The following FBXO34 variants were observed in gnomAD, a reference collection of about 807,000 sequenced individuals.
The protein encoded by FBXO34 is F-box protein 34, also known as F-box only protein 34.
Under a neutral mutation model 24.5 loss-of-function variants are expected in FBXO34, and 12 were observed. The observed-to-expected ratio is 0.49, with a 90% CI of 0.31 to 0.79. The LOEUF (loss-of-function observed/expected upper bound fraction) is 0.79. FBXO34 is among the 30% of genes least tolerant of loss of function. FBXO34 has a pLI of 0.04. For missense variants in FBXO34, 823 were observed against 857.7 expected, an observed-to-expected ratio of 0.96 and a Z score of 0.51; for synonymous variants, 320 against 311.9, an observed-to-expected ratio of 1.03 and a Z score of -0.27.
the FBXO34 span, among the ~76,000 whole-genome samples, chr14:55,402,930 T>A: frequency 0.018 from 232 of 13,244 alleles, 2 homozygotes; most frequent in South Asian, 0.026. Context: ...AAAAAAAATA[T>A]ATATATATAT....
chr14:55,323,794 A>G (rs4496026), intron 1 of FBXO34, among the ~76,000 whole-genome samples: 59,827 of 151,644 alleles, frequency 0.39, 12,004 homozygotes, highest in Non-Finnish European at 0.42. Flanking sequence ...TAATCATTTG[A>G]GGTTCAGTTT....
At chr14:55,314,774 C>G (rs1341404825) in intron 1 of FBXO34, among the ~76,000 whole-genome samples, 1 of 152,010 alleles carries the variant, frequency 6.6e-6, no homozygotes, top group African/African-American at 2.4e-5. Context: ...TATTCTTATC[C>G]TTTTATATTG....
chr14:55,315,038 C>T (rs919373654), intron 1 of FBXO34, among the ~76,000 whole-genome samples: 1 of 151,996 alleles, frequency 6.6e-6, no homozygotes, highest in Non-Finnish European at 1.5e-5. Context: ...TTTTCTCATC[C>T]CCAGGAATGT....
Position 55,350,559 on chromosome 14 carries a change from T to G in FBXO34, c.169T>G (p.Ser57Ala), listed in dbSNP as rs139564265. The change falls in exon 2 of 2, where the codon TCA becomes GCA. Residue 57 changes from serine to alanine, a missense_variant. By Grantham distance (99) the Ser-to-Ala change is moderately conservative. This residue lies in a region of FBXO34 where 693 missense variants were observed against 659.1 expected (regional missense o/e 1.05). Coordinates refer to ENST00000313833, the MANE Select transcript of FBXO34 (RefSeq NM_017943.4). ...TCCTTCAGCCTCTCTCGGTAAAGCA[T>G]CATCTCGAAAGCCATTTGGGATCCT... ...VFPSASLGKASSRKPFGILSP... is the reference protein window; with the variant it reads ...VFPSASLGKAASRKPFGILSP... 14 of 1,613,248 alleles carry G rather than the reference T, an allele frequency of 8.7e-6. No individual in the cohort carries two copies. Among genetic ancestry groups the G allele is most frequent in the Non-Finnish European group, 1.1e-5 (13 of 1,179,798 alleles).
the FBXO34 span, among the ~76,000 whole-genome samples, chr14:55,441,115 G>C: frequency 6.6e-6 from 1 of 152,144 alleles, no homozygotes; most frequent in Admixed American, 6.5e-5. Flanking sequence ...CAAAGTGCTG[G>C]GATTACAGGC....
chr14:55,346,293 A>G (rs1025933677), intron 1 of FBXO34, among the ~76,000 whole-genome samples: 2 of 152,226 alleles, frequency 1.3e-5, no homozygotes, highest in South Asian at 2.1e-4. Context: ...AGGTTTTCCA[A>G]TAACTGATGA....
chr14:55,289,702 G>C (rs1224696574), intron 1 of FBXO34, among the ~76,000 whole-genome samples: 3 of 151,904 alleles, frequency 2.0e-5, no homozygotes, highest in Admixed American at 2.0e-4. Flanking sequence ...CGTCCAGCTA[G>C]TTTTATTTAT....
chr14:55,442,846 T>C, the FBXO34 span, among the ~76,000 whole-genome samples: 5 of 152,172 alleles, frequency 3.3e-5, no homozygotes, highest in Non-Finnish European at 5.9e-5. Context: ...GATCTGACTG[T>C]TGTCCTCACA....
At chr14:55,376,296 A>G in the FBXO34 span, among the ~76,000 whole-genome samples, 1,286 of 152,334 alleles carry the variant, frequency 8.4e-3, 22 homozygotes, top group African/African-American at 0.03. Context: ...AGCTCTTATT[A>G]GTAAGGATAA....
the FBXO34 span, among the ~76,000 whole-genome samples, chr14:55,392,611 G>A: frequency 2.0e-5 from 3 of 148,504 alleles, no homozygotes; most frequent in Admixed American, 6.7e-5. Flanking sequence ...ATTGTGCCAC[G>A]GCACTCCAGC....
At chr14:55,350,303 T>A (rs1884303601) in intron 1 of FBXO34, 78 bp from the exon 2 acceptor site, 16 of 1,089,716 alleles carry the variant, frequency 1.5e-5, no homozygotes, top group Middle Eastern at 2.2e-4. Flanking sequence ...CTAAGAACCA[T>A]CTGAGCTTAA....
chr14:55,281,658 C>G (rs1019251529), intron 1 of FBXO34, among the ~76,000 whole-genome samples: 1 of 152,224 alleles, frequency 6.6e-6, no homozygotes, highest in African/African-American at 2.4e-5. Flanking sequence ...TTTACGAAGT[C>G]TATTCCCATA....
chr14:55,371,991 A>G (rs1410982231), downstream of FBXO34, among the ~76,000 whole-genome samples: 2 of 152,070 alleles, frequency 1.3e-5, no homozygotes, highest in Non-Finnish European at 2.9e-5. Context: ...CCTCTTCTCA[A>G]GTTTCTCCTT....
the FBXO34 span, among the ~76,000 whole-genome samples, chr14:55,418,557 G>A: frequency 6.6e-6 from 1 of 152,016 alleles, no homozygotes; most frequent in Admixed American, 6.6e-5. Context: ...TTAACAATTG[G>A]GAGGCACATC....
chr14:55,396,211 A>G, the FBXO34 span, among the ~76,000 whole-genome samples: 1 of 152,196 alleles, frequency 6.6e-6, no homozygotes, highest in Non-Finnish European at 1.5e-5. Flanking sequence ...AAATGTCCAC[A>G]ATAAATCTGC....
the FBXO34 span, chr14:55,435,913 G>A: frequency 6.3e-7 from 1 of 1,580,438 alleles, no homozygotes; most frequent in South Asian, 1.2e-5. Context: ...TACAGGCCAG[G>A]TTTACAGTGG....
At chr14:55,386,593 A>G in the FBXO34 span, among the ~76,000 whole-genome samples, 3 of 152,230 alleles carry the variant, frequency 2.0e-5, no homozygotes, top group Non-Finnish European at 4.4e-5. Context: ...AGAGCTCTGA[A>G]AAGTCACAGT....
chr14:55,380,875 A>ATATATATATATATTT, the FBXO34 span, among the ~76,000 whole-genome samples: 2 of 112,704 alleles, frequency 1.8e-5, no homozygotes, highest in South Asian at 2.9e-4. Context: ...ATATATATAT[A>ATATATATATATATTT]TTTTTTTTTT....
chr14:55,417,098 G>A, the FBXO34 span, among the ~76,000 whole-genome samples: 1 of 152,150 alleles, frequency 6.6e-6, no homozygotes, highest in African/African-American at 2.4e-5. Flanking sequence ...TTATATCATA[G>A]AGAAACGATT....
Sources: allele counts gnomAD v4.1 joint callset (sites outside exome capture counted in the v4.1 genomes callset), GRCh38; gene constraint gnomAD v4.1.1; regional missense constraint gnomAD v4.1.1; transcripts MANE v1.5; gene names NCBI Gene and HGNC (gene_info 2026-07-23, HGNC 2026-07-21).